KCNH7: variants seen among roughly 807,000 people sequenced by gnomAD.
The protein encoded by KCNH7 is voltage-gated inwardly rectifying potassium channel KCNH7.
KCNH7 carries 49 observed loss-of-function variants against 120.8 expected under a neutral mutation model. That is an observed-to-expected ratio of 0.41 (90% CI 0.32 to 0.51). The LOEUF (loss-of-function observed/expected upper bound fraction) is 0.51, where lower values mean the gene tolerates loss of function less well. Among genes scored for constraint, KCNH7 ranks in the 20% least tolerant of loss-of-function variants. KCNH7 has a pLI of 0.38. For synonymous variants in KCNH7, 547 were observed against 516.1 expected (o/e 1.06, Z -0.81); for missense variants, 1,097 against 1,446.6 (o/e 0.76, Z 3.92).
chr2:162,779,207 T>C (rs535509874), intron 2 of KCNH7, among the ~76,000 whole-genome samples: 307 of 152,136 alleles, frequency 2.0e-3, no homozygotes, highest in African/African-American at 6.9e-3. Context: ...GTTTGTTTGT[T>C]TGTTTGTTTT....
At chr2:162,431,524 C>A (rs541415829) in intron 8 of KCNH7, among the ~76,000 whole-genome samples, 22 of 151,994 alleles carry the variant, frequency 1.4e-4, no homozygotes, top group African/African-American at 5.3e-4. Context: ...TAATTTTACT[C>A]TTTTCCTTAT....
Position 162,719,090 on chromosome 2 carries a change from G to A in KCNH7, c.307+117447C>T, listed in dbSNP as rs75224937. Among the ~76,000 whole-genome samples the A allele has an allele frequency of 8.9e-3, 1,353 of 152,102 alleles. 33 individuals carry two copies. The East Asian group carries it at 0.11, about 13-fold the overall frequency. ...GGGTACGTATGTATATATACTAGCT[G>A]TATGTTTCAGACAAGATAACAGAGC... is the stretch of plus-strand genomic sequence containing the variant. On this transcript the variant is annotated intron_variant, in intron 2 of 15. Coordinates refer to ENST00000332142, the MANE Select transcript of KCNH7 (RefSeq NM_033272.4).
intron 14 of KCNH7, among the ~76,000 whole-genome samples, chr2:162,376,851 A>T (rs1686212792): frequency 6.6e-6 from 1 of 152,202 alleles, no homozygotes. Context: ...AAATAGATGT[A>T]TCTGCAGGCA....
At chr2:162,723,713 A>G (rs775152171) in intron 2 of KCNH7, among the ~76,000 whole-genome samples, 2 of 152,220 alleles carry the variant, frequency 1.3e-5, no homozygotes, top group Non-Finnish European at 2.9e-5. Context: ...AAATATATTT[A>G]AAACCCAAAT....
Position 162,549,592 on chromosome 2 carries a change from T to C in KCNH7, c.308-12512A>G, listed in dbSNP as rs189263169. Among the ~76,000 whole-genome samples the C allele has an allele frequency of 1.2e-4, 18 of 152,282 alleles. No individual in the cohort carries two copies. In the East Asian group the frequency reaches 2.3e-3, roughly 20 times the overall value. On this transcript the variant is annotated intron_variant, in intron 2 of 15. Coordinates refer to ENST00000332142, the MANE Select transcript of KCNH7 (RefSeq NM_033272.4). ...GACTTTTTGATGTCAGTGGAGACTT[T>C]TTATAATCCCTCAAATCGTACAGAA...
At chr2:162,382,844 T>C (rs113796688) in intron 13 of KCNH7, among the ~76,000 whole-genome samples, 3,681 of 152,052 alleles carry the variant, frequency 0.024, 136 homozygotes, top group African/African-American at 0.084. Flanking sequence ...AAGATATTAA[T>C]TAGCCAGGCT....
rs1406607526 is a variant in KCNH7 at position 162,820,183 on chromosome 2, GCGCCCAGCACCA to G, written c.307+16342_307+16353del. Among the ~76,000 whole-genome samples the G allele has an allele frequency of 6.1e-5, 9 of 147,392 alleles. No individual in the cohort carries two copies. In the Admixed American group the frequency reaches 6.2e-4, roughly 10 times the overall value. On this transcript the variant is annotated intron_variant, in intron 2 of 15. Transcript: ENST00000332142. ...GCCTCAGGAGTAGCTGGGATTACAGGCGCCCAGCACCACGCCCGGCTAATTTTGTGTGTGTGT... is the reference window on the plus strand; with the variant it reads ...GCCTCAGGAGTAGCTGGGATTACAGGCGCCCGGCTAATTTTGTGTGTGTGT...
At chr2:162,833,045 G>A (rs982088044) in intron 2 of KCNH7, among the ~76,000 whole-genome samples, 6 of 152,056 alleles carry the variant, frequency 3.9e-5, no homozygotes, top group African/African-American at 9.6e-5. Flanking sequence ...ATACAGGAAC[G>A]CTCTGACCTC....
intron 3 of KCNH7, among the ~76,000 whole-genome samples, chr2:162,532,561 A>C (rs1449577547): frequency 6.6e-6 from 1 of 151,954 alleles, no homozygotes; most frequent in Non-Finnish European, 1.5e-5. Flanking sequence ...TGTCATATCT[A>C]CCTAGGCTGT....
intron 2 of KCNH7, among the ~76,000 whole-genome samples, chr2:162,722,167 GA>G (rs1464330453): frequency 3.9e-5 from 6 of 151,914 alleles, no homozygotes; most frequent in African/African-American, 4.8e-5. Flanking sequence ...AAAATTATTA[GA>G]AAAGAAAGTT....
intron 2 of KCNH7, among the ~76,000 whole-genome samples, chr2:162,736,926 G>A (rs576418232): frequency 6.6e-6 from 1 of 152,116 alleles, no homozygotes; most frequent in Non-Finnish European, 1.5e-5. Flanking sequence ...GCTTTACTGG[G>A]GAAGTATATT....
intron 2 of KCNH7, among the ~76,000 whole-genome samples, chr2:162,748,467 T>G (rs10207884): frequency 0.36 from 54,519 of 151,818 alleles, 13,623 homozygotes; most frequent in African/African-American, 0.71. Flanking sequence ...CAATTTTTTT[T>G]TGTGTGTGTA....
intron 2 of KCNH7, among the ~76,000 whole-genome samples, chr2:162,644,985 A>G (rs1005308479): frequency 1.3e-5 from 2 of 152,176 alleles, no homozygotes; most frequent in African/African-American, 4.8e-5. Flanking sequence ...ATTTCTAAAA[A>G]TCATTACCAT....
At chr2:162,807,936 C>A (rs771115476) in intron 2 of KCNH7, among the ~76,000 whole-genome samples, 5 of 152,206 alleles carry the variant, frequency 3.3e-5, no homozygotes, top group Non-Finnish European at 5.9e-5. Context: ...CCCACCTCGG[C>A]CTCCCAAAGT....
chr2:162,537,023 G>A lies in KCNH7; in HGVS notation c.365C>T (p.Ala122Val), dbSNP rs779754574. Residue 122 changes from alanine to valine, a missense_variant, in exon 3 of 16, where the codon GCT (alanine) becomes GTT (valine). Ala to Val is a moderately conservative substitution (Grantham distance 64). Coordinates refer to ENST00000332142, the MANE Select transcript of KCNH7 (RefSeq NM_033272.4). The part of the protein sequence containing the change: ...IIPVKNQEGV[A>V]MMFIINFEYV... ...TTCAAAATTAATGATGAACATCATAGCCACGCCCTCTTGGTTTTTCACTGG... is the reference window on the plus strand; with the variant it reads ...TTCAAAATTAATGATGAACATCATAACCACGCCCTCTTGGTTTTTCACTGG... The A allele has an allele frequency of 1.9e-6, 3 of 1,612,618 alleles. No homozygotes were observed. In the South Asian group the frequency reaches 3.3e-5, roughly 18 times the overall value.
chr2:162,461,420 A>G (rs930977298), intron 6 of KCNH7, among the ~76,000 whole-genome samples: 5 of 152,230 alleles, frequency 3.3e-5, no homozygotes, highest in African/African-American at 1.2e-4. Flanking sequence ...TATAGTCCCT[A>G]TCTTACCATA....
chr2:162,550,639 C>G (rs1007187360), intron 2 of KCNH7, among the ~76,000 whole-genome samples: 1 of 152,064 alleles, frequency 6.6e-6, no homozygotes, highest in Non-Finnish European at 1.5e-5. Flanking sequence ...AAGTGTTTCT[C>G]TTAAACACTG....
At chr2:162,744,568 C>CTTTTT (rs144013923) in intron 2 of KCNH7, among the ~76,000 whole-genome samples, 12 of 115,320 alleles carry the variant, frequency 1.0e-4, no homozygotes, top group African/African-American at 1.1e-4. Flanking sequence ...ATTCACAGAA[C>CTTTTT]TTTTTTTTTT....
intron 2 of KCNH7, among the ~76,000 whole-genome samples, chr2:162,686,924 T>G (rs1559081896): frequency 2.0e-5 from 3 of 147,712 alleles, no homozygotes; most frequent in Admixed American, 2.0e-4. Context: ...AAGCCCATGT[T>G]CAGTATGGGA....
Sources: gnomAD v4.1 joint callset for allele counts (sites outside exome capture counted in the v4.1 genomes callset) on GRCh38, gnomAD v4.1.1 for gene constraint, MANE v1.5 for transcripts, NCBI Gene and HGNC (gene_info 2026-07-23, HGNC 2026-07-21) for gene names.